SV2C: variants seen among roughly 807,000 people sequenced by gnomAD.
SV2C encodes synaptic vesicle glycoprotein 2C, also known as solute carrier family 22 member B3.
SV2C carries 49 observed loss-of-function variants against 79.7 expected under a neutral mutation model. That is an observed-to-expected ratio of 0.61 (90% CI 0.49 to 0.78). SV2C has a LOEUF of 0.78. SV2C is among the 30% of genes least tolerant of loss of function. The pLI is 0.00. For missense variants in SV2C, 833 were observed against 912.9 expected (o/e 0.91, Z 1.13); for synonymous variants, 334 against 333.2 (o/e 1.00, Z -0.03).
At chr5:75,936,493 C>G in the SV2C span, among the ~76,000 whole-genome samples, 5 of 152,136 alleles carry the variant, frequency 3.3e-5, no homozygotes, top group South Asian at 6.2e-4. Flanking sequence ...GTCACTGTTT[C>G]TGGTTCAGCT....
the SV2C span, among the ~76,000 whole-genome samples, chr5:75,984,598 C>CCTATCTATCTATCTAT: frequency 4.1e-4 from 34 of 82,506 alleles, no homozygotes; most frequent in Middle Eastern, 7.1e-3. Context: ...TATCTATCTA[C>CCTATCTATCTATCTAT]CTATCTATCT....
At chr5:76,131,202 G>A (rs563352103) in intron 1 of SV2C, among the ~76,000 whole-genome samples, 2 of 152,286 alleles carry the variant, frequency 1.3e-5, no homozygotes, top group South Asian at 4.1e-4. Flanking sequence ...TTTTCAGTGT[G>A]AGGAAATAGG....
Position 76,133,576 on chromosome 5 carries a change from C to G in SV2C, c.580+1246C>G, listed in dbSNP as rs373047295. 5.3e-5 allele frequency among the ~76,000 whole-genome samples: 8 copies of G among 152,190 alleles called. No homozygotes were observed. In the East Asian group the frequency reaches 1.5e-3, roughly 29 times the overall value. On this transcript the variant is annotated intron_variant, in intron 2 of 12. Coordinates refer to ENST00000502798, the MANE Select transcript of SV2C (RefSeq NM_014979.4). ...CACTCCTAGTATTTGTTTCTTTATG[C>G]TTAGCTAAAATAAATGGATCCATGA...
intron 4 of SV2C, among the ~76,000 whole-genome samples, chr5:76,278,516 A>C (rs1197959592): frequency 1.3e-5 from 2 of 152,252 alleles, no homozygotes; most frequent in Non-Finnish European, 2.9e-5. Flanking sequence ...CCTAGGGGAC[A>C]ACATTGAAAA....
chr5:76,314,492 G>A (rs1748556744), intron 12 of SV2C, among the ~76,000 whole-genome samples: 1 of 152,186 alleles, frequency 6.6e-6, no homozygotes, highest in Non-Finnish European at 1.5e-5. Context: ...TTCAGGTGCA[G>A]TCACTGCCAG....
chr5:75,934,776 C>T, the SV2C span, among the ~76,000 whole-genome samples: 2 of 152,046 alleles, frequency 1.3e-5, no homozygotes, highest in Non-Finnish European at 1.5e-5. Context: ...TCACTGTGGG[C>T]CATTTGCACT....
chr5:76,146,797 T>TAAAAAAAAA (rs34569063), intron 2 of SV2C, among the ~76,000 whole-genome samples: 1 of 39,332 alleles, frequency 2.5e-5, no homozygotes, highest in Non-Finnish European at 4.2e-5. Context: ...AGTTTTTTTT[T>TAAAAAAAAA]AAAAAAAAAA....
the SV2C span, among the ~76,000 whole-genome samples, chr5:76,057,507 CTGAGAA>C: frequency 6.6e-6 from 1 of 151,760 alleles, no homozygotes; most frequent in Non-Finnish European, 1.5e-5. Context: ...CGATAGTTTG[CTGAGAA>C]TGATGGTGAA....
At chr5:76,062,623 G>GA in the SV2C span, among the ~76,000 whole-genome samples, 1,801 of 136,960 alleles carry the variant, frequency 0.013, 15 homozygotes, top group South Asian at 0.032. Context: ...GGTTGTGTCT[G>GA]AAAAAAAAAA....
chr5:75,882,092 G>A, the SV2C span, among the ~76,000 whole-genome samples: 1 of 150,050 alleles, frequency 6.7e-6, no homozygotes, highest in Admixed American at 6.7e-5. Flanking sequence ...TTATATGCTG[G>A]ACTACATTTA....
At chr5:76,295,738 G>A in intron 8 of SV2C, 40 bp from the exon 9 acceptor site, 1 of 1,587,268 alleles carries the variant, frequency 6.3e-7, no homozygotes, top group Non-Finnish European at 8.5e-7. Flanking sequence ...CCTCTGGCAT[G>A]CTAGTGCCTT....
At chr5:76,179,836 G>A (rs1265476072) in intron 2 of SV2C, among the ~76,000 whole-genome samples, 1 of 152,178 alleles carries the variant, frequency 6.6e-6, no homozygotes, top group East Asian at 1.9e-4. Flanking sequence ...AGGTCACATA[G>A]GAGTATCAGT....
chr5:75,849,190 A>G, the SV2C span, among the ~76,000 whole-genome samples: 152 of 152,280 alleles, frequency 1.0e-3, no homozygotes, highest in Middle Eastern at 3.4e-3. Flanking sequence ...TTGGGGTGGA[A>G]CTCTAGGAAG....
At chr5:76,264,105 C>A (rs7722717) in intron 4 of SV2C, among the ~76,000 whole-genome samples, 129,505 of 151,918 alleles carry the variant, frequency 0.85, 55,581 homozygotes, top group Middle Eastern at 0.95. Context: ...ACATAGTCCC[C>A]TATTTCTTGG....
intron 2 of SV2C, among the ~76,000 whole-genome samples, chr5:76,161,882 T>C (rs1210619428): frequency 6.6e-6 from 1 of 152,164 alleles, no homozygotes; most frequent in Non-Finnish European, 1.5e-5. Context: ...TTGTGAACAG[T>C]GCCATTTTAG....
At position 76,332,683 on chromosome 5, in the gene SV2C, G is replaced by A. The variant is rs1327506936; in HGVS notation, c.*7136G>A. ...TTTGTAGTTTGAGATCAGCTATAGT[G>A]GTGGTATTTATACCATGGAAAGCAA... On this transcript the variant is annotated 3_prime_UTR_variant, in exon 13 of 13. Coordinates refer to ENST00000502798, the MANE Select transcript of SV2C (RefSeq NM_014979.4). 2 of 152,098 alleles carry A rather than the reference G, an allele frequency of 1.3e-5. No homozygotes were observed. Among genetic ancestry groups the A allele is most frequent in the African/African-American group, 4.8e-5 (2 of 41,368 alleles). The allele number at this position is 152,098 out of a possible 1,614,324, so 9.4% of individuals were successfully genotyped here.
rs1282268102 is a variant in SV2C, at chr5:76,300,734, G to A, written c.1642G>A (p.Glu548Lys). Residue 548 changes from glutamate (E) to lysine (K), a missense_variant, in exon 11 of 13, where the codon GAG becomes AAG. Transcript: ENST00000502798. ...IDTVFDNTDF[E>K]PYKFIDSEFK... ...CTTTGTTGTTGTTTCTACAGATTTT[G>A]AGCCATATAAATTCATTGACAGTGA... is the stretch of plus-strand genomic sequence containing the variant. 6.2e-7 allele frequency: 1 copy of A among 1,613,918 alleles called. No homozygotes were observed. Among genetic ancestry groups the A allele is most frequent in the South Asian group, 1.1e-5 (1 of 91,046 alleles).
At chr5:75,891,823 C>G in the SV2C span, among the ~76,000 whole-genome samples, 4 of 151,996 alleles carry the variant, frequency 2.6e-5, no homozygotes, top group South Asian at 2.1e-4. Context: ...AAATTTCTTT[C>G]TTCCTTTTTG....
At chr5:76,126,854 T>C (rs1229454564) in intron 1 of SV2C, among the ~76,000 whole-genome samples, 1 of 152,098 alleles carries the variant, frequency 6.6e-6, no homozygotes, top group Admixed American at 6.5e-5. Flanking sequence ...TAGCATTGCA[T>C]AGGGTCGCAT....
Sources: allele counts gnomAD v4.1 joint callset (sites outside exome capture counted in the v4.1 genomes callset), GRCh38; gene constraint gnomAD v4.1.1; transcripts MANE v1.5; gene names NCBI Gene and HGNC (gene_info 2026-07-23, HGNC 2026-07-21).